Variants in CSNK1G1 observed in about 807,000 individuals in gnomAD.
CSNK1G1 encodes casein kinase 1 gamma 1.
A neutral mutation model predicts 59.6 loss-of-function variants in CSNK1G1; 22 were observed. That is an observed-to-expected ratio of 0.37 (90% CI 0.26 to 0.53). The LOEUF is 0.53. CSNK1G1 is among the 20% of genes least tolerant of loss of function. The pLI, the probability that CSNK1G1 is intolerant of heterozygous loss-of-function variation, is 0.89. For missense variants in CSNK1G1, 384 were observed against 519.5 expected (o/e 0.74, Z 2.54); for synonymous variants, 179 against 177.1 (o/e 1.01, Z -0.08).
intron 10 of CSNK1G1, among the ~76,000 whole-genome samples, chr15:64,189,815 CTTTT>C (rs970702567): frequency 6.3e-5 from 8 of 127,314 alleles, no homozygotes; most frequent in Non-Finnish European, 9.8e-5. Context: ...CTACAATTTA[CTTTT>C]TTTTTTTTTT....
chr15:64,351,847 T>G (rs992006992), intron 1 of CSNK1G1, among the ~76,000 whole-genome samples: 1 of 152,176 alleles, frequency 6.6e-6, no homozygotes, highest in Admixed American at 6.5e-5. Context: ...CACTCCAGCC[T>G]GGGTAACAGA....
At chr15:64,207,682 C>A (rs769607949) in intron 6 of CSNK1G1, 88 bp from the exon 7 acceptor site, 3 of 963,334 alleles carry the variant, frequency 3.1e-6, no homozygotes, top group South Asian at 2.7e-5. Context: ...AGAAACCCTT[C>A]GGCTCTGGAA....
At chr15:64,258,961 T>TA in intron 3 of CSNK1G1, among the ~76,000 whole-genome samples, 1 of 152,260 alleles carries the variant, frequency 6.6e-6, no homozygotes. Context: ...TTTAATCAAC[T>TA]AATTTTTGAG....
chr15:64,229,588 T>C (rs2082515032), intron 4 of CSNK1G1, among the ~76,000 whole-genome samples: 1 of 151,342 alleles, frequency 6.6e-6, no homozygotes, highest in African/African-American at 2.4e-5. Context: ...CAGCCTGGAG[T>C]TGCCAGGGAC....
intron 4 of CSNK1G1, among the ~76,000 whole-genome samples, chr15:64,217,318 G>C (rs1003093653): frequency 1.1e-4 from 17 of 152,182 alleles, no homozygotes; most frequent in Non-Finnish European, 5.9e-5. Flanking sequence ...GTGTTTGGTT[G>C]CTGATAAGTG....
chr15:64,251,024 G>A (rs980283401), intron 4 of CSNK1G1, among the ~76,000 whole-genome samples: 22 of 152,112 alleles, frequency 1.4e-4, no homozygotes, highest in African/African-American at 4.3e-4. Context: ...AAAAATTGCC[G>A]AAGGTCATAG....
chr15:64,226,915 C>T (rs551184064), intron 4 of CSNK1G1, among the ~76,000 whole-genome samples: 4 of 152,290 alleles, frequency 2.6e-5, no homozygotes, highest in African/African-American at 4.8e-5. Flanking sequence ...TCCTGACAAT[C>T]GTGCCCCAGT....
chr15:64,232,873 A>T (rs979074439), intron 4 of CSNK1G1, among the ~76,000 whole-genome samples: 1 of 152,238 alleles, frequency 6.6e-6, no homozygotes, highest in Non-Finnish European at 1.5e-5. Flanking sequence ...AAAATATGAC[A>T]TAGAATTAAA....
chr15:64,189,753 C>T (rs571120971), intron 10 of CSNK1G1, among the ~76,000 whole-genome samples: 3 of 151,900 alleles, frequency 2.0e-5, no homozygotes, highest in African/African-American at 4.8e-5. Context: ...AAAGCTCACC[C>T]GTAAGTCACC....
intron 1 of CSNK1G1, among the ~76,000 whole-genome samples, chr15:64,320,130 C>T (rs1038438621): frequency 2.0e-5 from 3 of 151,722 alleles, no homozygotes; most frequent in Admixed American, 1.3e-4. Context: ...TGGGCTCAAG[C>T]GATCCACATG....
At chr15:64,284,141 G>T (rs544737068) in intron 2 of CSNK1G1, among the ~76,000 whole-genome samples, 2 of 152,148 alleles carry the variant, frequency 1.3e-5, no homozygotes, top group Non-Finnish European at 2.9e-5. Flanking sequence ...AAGTGCAATT[G>T]ACTAGAGATT....
At chr15:64,347,445 A>T (rs932483485) in intron 1 of CSNK1G1, among the ~76,000 whole-genome samples, 1 of 152,106 alleles carries the variant, frequency 6.6e-6, no homozygotes, top group African/African-American at 2.4e-5. Flanking sequence ...ACATCTATAC[A>T]ACAGAAAATT....
At chr15:64,242,278 A>T (rs1458344453) in intron 4 of CSNK1G1, among the ~76,000 whole-genome samples, 2 of 152,194 alleles carry the variant, frequency 1.3e-5, no homozygotes, top group Non-Finnish European at 2.9e-5. Flanking sequence ...CTCAAATTTC[A>T]TGTGGAATTG....
intron 5 of CSNK1G1, among the ~76,000 whole-genome samples, chr15:64,215,418 T>C (rs550092944): frequency 2.4e-3 from 372 of 151,992 alleles, no homozygotes; most frequent in African/African-American, 8.6e-3. Flanking sequence ...TTCACTGCGT[T>C]AGCCAGGATG....
intron 1 of CSNK1G1, among the ~76,000 whole-genome samples, chr15:64,350,264 C>T (rs551369829): frequency 8.2e-4 from 124 of 152,100 alleles, no homozygotes; most frequent in African/African-American, 1.6e-3. Flanking sequence ...GAGGCCAAGG[C>T]GGGCGGATCA....
chr15:64,334,023 A>C (rs1897251668), intron 1 of CSNK1G1, among the ~76,000 whole-genome samples: 1 of 152,184 alleles, frequency 6.6e-6, no homozygotes. Context: ...TTAGAGACAC[A>C]AAGTCAACAA....
At chr15:64,353,704 A>G (rs1314511668) in intron 1 of CSNK1G1, among the ~76,000 whole-genome samples, 3 of 151,572 alleles carry the variant, frequency 2.0e-5, no homozygotes, top group African/African-American at 7.3e-5. Flanking sequence ...GGTGGCTCAC[A>G]CCTGTAATCT....
chr15:64,171,869 A>C lies in CSNK1G1; in HGVS notation c.*62T>G, dbSNP rs1300531255. 1 of 1,343,848 alleles carries C rather than the reference A, an allele frequency of 7.4e-7. No homozygotes were observed. The highest frequency in any genetic ancestry group is 1.1e-6 in the Non-Finnish European group (1 of 933,674). The allele number at this position is 1,343,848 out of a possible 1,614,324, so 83.2% of individuals were successfully genotyped here. A position where few individuals can be genotyped will look rare whatever the true frequency, so the allele number is the denominator to read the frequency against. Reference sequence around the variant, plus strand: ...GGAGTCCCTTCCAATGAGAAATGGCAGGAGCTGCAGGTACAATTGAGTCAG... The same window carrying C: ...GGAGTCCCTTCCAATGAGAAATGGCCGGAGCTGCAGGTACAATTGAGTCAG... On this transcript the variant is annotated 3_prime_UTR_variant, in exon 12 of 12. Coordinates refer to ENST00000303052, the MANE Select transcript of CSNK1G1 (RefSeq NM_022048.5). This position sits in a 1 kb window ranked among gnomAD's most constrained non-coding sequence, Gnocchi z 4.8.
At chr15:64,263,079 CAA>C (rs1216890234) in intron 2 of CSNK1G1, among the ~76,000 whole-genome samples, 15 of 53,570 alleles carry the variant, frequency 2.8e-4, no homozygotes, top group Admixed American at 6.4e-4. Context: ...AACGCCATCT[CAA>C]AAAAAAAAAA....
Sources: allele counts gnomAD v4.1 joint callset (sites outside exome capture counted in the v4.1 genomes callset), GRCh38; gene constraint gnomAD v4.1.1; non-coding constraint Gnocchi (gnomAD v3.1); transcripts MANE v1.5; gene names NCBI Gene and HGNC (gene_info 2026-07-23, HGNC 2026-07-21).